The following GALNT17 variants were observed in gnomAD, a reference collection of about 807,000 sequenced individuals.
The protein encoded by GALNT17 is UDP-GalNAc:polypeptide N-acetylgalactosaminyltransferase-like 3.
GALNT17 carries 29 observed loss-of-function variants against 63.7 expected under a neutral mutation model. The ratio of observed to expected loss-of-function variants is 0.46; its 90% CI spans 0.34 to 0.62. GALNT17 has a LOEUF of 0.62. GALNT17 is among the 20% of genes least tolerant of loss of function. The pLI is 0.01. For missense variants in GALNT17, 603 were observed against 799.6 expected, an observed-to-expected ratio of 0.75 and a Z score of 2.97; for synonymous variants, 305 against 318.3, an observed-to-expected ratio of 0.96 and a Z score of 0.45.
intron 1 of GALNT17, among the ~76,000 whole-genome samples, chr7:71,231,143 CA>C (rs1428284294): frequency 1.3e-5 from 2 of 152,018 alleles, no homozygotes; most frequent in African/African-American, 2.4e-5. Flanking sequence ...GCTTTAAATT[CA>C]CTTTCCCCAT....
At chr7:71,459,320 C>T (rs1787411842) in intron 5 of GALNT17, among the ~76,000 whole-genome samples, 1 of 152,138 alleles carries the variant, frequency 6.6e-6, no homozygotes. Flanking sequence ...TGGGCATTTG[C>T]CTTATTTGAA....
At chr7:71,166,861 GA>G (rs1245172214) in intron 1 of GALNT17, among the ~76,000 whole-genome samples, 2 of 151,834 alleles carry the variant, frequency 1.3e-5, no homozygotes, top group Non-Finnish European at 1.5e-5. Context: ...CCTAGGAGTG[GA>G]ATGGCTAGAT....
At chr7:71,500,286 A>C (rs1481939005) in intron 5 of GALNT17, among the ~76,000 whole-genome samples, 1 of 152,166 alleles carries the variant, frequency 6.6e-6, no homozygotes, top group African/African-American at 2.4e-5. Flanking sequence ...CATAGTGTTT[A>C]GCGAAGGGCT....
chr7:71,608,117 G>A (rs1790073142), intron 6 of GALNT17, among the ~76,000 whole-genome samples: 1 of 152,176 alleles, frequency 6.6e-6, no homozygotes, highest in African/African-American at 2.4e-5. Context: ...TATTCCTGTT[G>A]AGCTGACATA....
At chr7:71,678,710 G>A (rs1238493266) in intron 9 of GALNT17, among the ~76,000 whole-genome samples, 1 of 151,680 alleles carries the variant, frequency 6.6e-6, no homozygotes, top group Non-Finnish European at 1.5e-5. Context: ...CAGGAGAATA[G>A]CATGAACCCA....
intron 9 of GALNT17, among the ~76,000 whole-genome samples, chr7:71,697,186 T>A (rs1272422255): frequency 6.6e-6 from 1 of 152,088 alleles, no homozygotes; most frequent in East Asian, 1.9e-4. Context: ...ATTCTTAAAT[T>A]GGTGGACCAT....
At chr7:71,319,764 ATAAG>A (rs1260801601) in intron 1 of GALNT17, among the ~76,000 whole-genome samples, 1 of 152,232 alleles carries the variant, frequency 6.6e-6, no homozygotes, top group African/African-American at 2.4e-5. Context: ...CCGTACATGT[ATAAG>A]TGAGTTGTTC....
At chr7:71,176,332 T>G (rs976357554) in intron 1 of GALNT17, among the ~76,000 whole-genome samples, 4 of 152,122 alleles carry the variant, frequency 2.6e-5, no homozygotes, top group African/African-American at 9.7e-5. Flanking sequence ...TGGCAAGATC[T>G]CAAAATATTG....
chr7:71,652,800 T>C (rs528932263), intron 6 of GALNT17, among the ~76,000 whole-genome samples: 2 of 152,220 alleles, frequency 1.3e-5, no homozygotes, highest in South Asian at 4.2e-4. Flanking sequence ...AGACACATGC[T>C]CCAGAGGTGG....
chr7:71,641,634 C>T (rs1287571592), intron 6 of GALNT17, among the ~76,000 whole-genome samples: 1 of 151,988 alleles, frequency 6.6e-6, no homozygotes, highest in East Asian at 1.9e-4. Context: ...CTCTGAGGAC[C>T]TAATCACCTC....
intron 1 of GALNT17, among the ~76,000 whole-genome samples, chr7:71,153,458 G>A (rs1316750421): frequency 6.6e-6 from 1 of 152,156 alleles, no homozygotes; most frequent in Admixed American, 6.5e-5. Context: ...AGGGTGTTCA[G>A]GTTCTGTAAT....
chr7:71,294,719 C>T (rs1791046508), intron 1 of GALNT17, among the ~76,000 whole-genome samples: 1 of 152,066 alleles, frequency 6.6e-6, no homozygotes, highest in Non-Finnish European at 1.5e-5. Context: ...CTGGCCATAT[C>T]TCATAAATCC....
At chr7:71,605,406 T>C (rs1486088764) in intron 6 of GALNT17, among the ~76,000 whole-genome samples, 2 of 151,766 alleles carry the variant, frequency 1.3e-5, no homozygotes, top group Non-Finnish European at 2.9e-5. Context: ...GCCAACATGG[T>C]GAAAGCCAAT....
intron 2 of GALNT17, among the ~76,000 whole-genome samples, chr7:71,380,315 T>G (rs1792821446): frequency 6.6e-6 from 1 of 152,080 alleles, no homozygotes; most frequent in South Asian, 2.1e-4. Flanking sequence ...GACTATTTAC[T>G]TATTTTTTAT....
Position 71,712,317 on chromosome 7 carries a change from C to A in GALNT17, c.*171C>A. 1 of 734,572 alleles carries A rather than the reference C, an allele frequency of 1.4e-6. No individual in the cohort carries two copies. The highest frequency in any genetic ancestry group is 2.1e-6 in the Non-Finnish European group (1 of 481,518). The allele number at this position is 734,572 out of a possible 1,614,324, so 45.5% of individuals were successfully genotyped here. ...ACCCCGGATGAAGACTCTGTCCCCC[C>A]TCAGGCATTCAGCTGCCCACAAGTT... On this transcript the variant is annotated 3_prime_UTR_variant, in exon 11 of 11. Coordinates refer to ENST00000333538, the MANE Select transcript of GALNT17 (RefSeq NM_022479.3).
chr7:71,397,022 A>G (rs77765219), intron 3 of GALNT17, among the ~76,000 whole-genome samples: 11,722 of 152,146 alleles, frequency 0.077, 550 homozygotes, highest in Middle Eastern at 0.18. Flanking sequence ...TGTAGATTCT[A>G]TAGAGCTTTC....
At chr7:71,201,723 C>G (rs1789176117) in intron 1 of GALNT17, among the ~76,000 whole-genome samples, 4 of 151,956 alleles carry the variant, frequency 2.6e-5, no homozygotes, top group Admixed American at 2.6e-4. Flanking sequence ...CCTCCGCCTC[C>G]CGGGTTCAAG....
chr7:71,544,929 T>G (rs1782532953), intron 5 of GALNT17, among the ~76,000 whole-genome samples: 1 of 151,566 alleles, frequency 6.6e-6, no homozygotes, highest in African/African-American at 2.4e-5. Context: ...GGGGATCAAA[T>G]GCGTTAGATA....
chr7:71,441,686 T>A (rs1156527783), intron 5 of GALNT17, among the ~76,000 whole-genome samples: 2 of 152,154 alleles, frequency 1.3e-5, no homozygotes, highest in Non-Finnish European at 1.5e-5. Context: ...CCTCCCTGTG[T>A]CCATGTGTTC....
Sources: allele counts gnomAD v4.1 joint callset (sites outside exome capture counted in the v4.1 genomes callset), GRCh38; gene constraint gnomAD v4.1.1; transcripts MANE v1.5; gene names NCBI Gene and HGNC (gene_info 2026-07-23, HGNC 2026-07-21).